The following RPS6KC1 variants were observed in gnomAD, a reference collection of about 807,000 sequenced individuals.
RPS6KC1 encodes ribosomal protein S6 kinase C1, also known as inactive ribosomal protein S6 kinase delta-1.
RPS6KC1 carries 54 observed loss-of-function variants against 103.8 expected under a neutral mutation model. The observed-to-expected ratio is 0.52, with a 90% CI of 0.42 to 0.65. RPS6KC1 has a LOEUF of 0.65. Among genes scored for constraint, RPS6KC1 ranks in the 30% least tolerant of loss-of-function variants. The probability of loss-of-function intolerance (pLI) is 0.00; values close to 1 mark genes in which losing one functional copy is unlikely to be tolerated. For synonymous variants in RPS6KC1, 439 were observed against 438.7 expected, an observed-to-expected ratio of 1.00 and a Z score of -0.01; for missense variants, 1,151 against 1,253.8, an observed-to-expected ratio of 0.92 and a Z score of 1.24.
At chr1:213,695,160 T>C in the RPS6KC1 span, among the ~76,000 whole-genome samples, 1 of 152,140 alleles carries the variant, frequency 6.6e-6, no homozygotes, top group Non-Finnish European at 1.5e-5. Flanking sequence ...TAAATACGCG[T>C]TGAACAGATG....
At chr1:213,183,508 G>A (rs879700954) in intron 8 of RPS6KC1, among the ~76,000 whole-genome samples, 19 of 151,902 alleles carry the variant, frequency 1.3e-4, no homozygotes, top group Admixed American at 3.3e-4. Context: ...CAGGAAACTC[G>A]CCAAATACCT....
At chr1:213,788,490 C>G in the RPS6KC1 span, among the ~76,000 whole-genome samples, 5 of 152,112 alleles carry the variant, frequency 3.3e-5, no homozygotes, top group Non-Finnish European at 7.4e-5. Context: ...ATGAAAAAAG[C>G]AAAACCCACC....
chr1:213,361,199 G>A, the RPS6KC1 span, among the ~76,000 whole-genome samples: 4 of 152,306 alleles, frequency 2.6e-5, no homozygotes, highest in East Asian at 5.8e-4. Flanking sequence ...GCTGCGGTGG[G>A]CTCCACCCAG....
At chr1:213,541,997 G>A in the RPS6KC1 span, among the ~76,000 whole-genome samples, 1 of 152,136 alleles carries the variant, frequency 6.6e-6, no homozygotes, top group Non-Finnish European at 1.5e-5. Flanking sequence ...CTCAACTTTG[G>A]GACTTTGTCT....
At chr1:213,510,767 C>G in the RPS6KC1 span, among the ~76,000 whole-genome samples, 1 of 152,142 alleles carries the variant, frequency 6.6e-6, no homozygotes, top group Non-Finnish European at 1.5e-5. Flanking sequence ...TTTACTTAAC[C>G]GTATTCTACC....
At chr1:213,602,190 T>TTTC in the RPS6KC1 span, among the ~76,000 whole-genome samples, 1 of 60,580 alleles carries the variant, frequency 1.7e-5, no homozygotes, top group Non-Finnish European at 3.1e-5. Context: ...TTCTTTCTTT[T>TTTC]TCCCTCCCTC....
chr1:213,202,111 C>T (rs1190279302), intron 8 of RPS6KC1, among the ~76,000 whole-genome samples: 2 of 152,118 alleles, frequency 1.3e-5, no homozygotes, highest in African/African-American at 4.8e-5. Context: ...TATAAACACA[C>T]TAAGTTACAG....
intron 2 of RPS6KC1, among the ~76,000 whole-genome samples, chr1:213,075,146 C>T (rs573021004): frequency 1.2e-4 from 18 of 152,070 alleles, no homozygotes; most frequent in South Asian, 8.3e-4. Context: ...CCACCACGCC[C>T]GGCCTAGAAT....
the RPS6KC1 span, among the ~76,000 whole-genome samples, chr1:213,407,874 A>G: frequency 1.3e-5 from 2 of 152,206 alleles, no homozygotes; most frequent in Admixed American, 1.3e-4. Flanking sequence ...ACCTGCTACA[A>G]TATAAGCTCC....
intron 9 of RPS6KC1, 145 bp from the exon 10 acceptor site, chr1:213,231,978 G>A (rs984758853): frequency 1.1e-6 from 1 of 942,128 alleles, no homozygotes; most frequent in Non-Finnish European, 1.6e-6. Context: ...GGACTGGGGG[G>A]CATAGAGCAG....
chr1:213,497,242 A>G, the RPS6KC1 span, among the ~76,000 whole-genome samples: 38,558 of 152,158 alleles, frequency 0.25, 5,523 homozygotes, highest in Middle Eastern at 0.38. Context: ...GCTATAGCAT[A>G]TGTTTGTTCT....
intron 3 of RPS6KC1, among the ~76,000 whole-genome samples, chr1:213,099,307 C>T (rs2081791384): frequency 6.6e-6 from 1 of 152,008 alleles, no homozygotes; most frequent in Non-Finnish European, 1.5e-5. Context: ...CTTTACGCAA[C>T]ATTTTATTGT....
chr1:213,823,812 G>A, the RPS6KC1 span, among the ~76,000 whole-genome samples: 96 of 151,280 alleles, frequency 6.3e-4, no homozygotes, highest in Non-Finnish European at 1.0e-3. Context: ...AAGATCTTGC[G>A]TTGAACCAAG....
the RPS6KC1 span, among the ~76,000 whole-genome samples, chr1:213,765,180 A>C: frequency 6.6e-6 from 1 of 152,158 alleles, no homozygotes; most frequent in Non-Finnish European, 1.5e-5. Flanking sequence ...AATACTGACA[A>C]ACACCATAAA....
chr1:213,795,602 C>A, the RPS6KC1 span, among the ~76,000 whole-genome samples: 14 of 152,244 alleles, frequency 9.2e-5, no homozygotes, highest in African/African-American at 3.4e-4. Flanking sequence ...CCAACAAAAT[C>A]ACTCCAAAAG....
At chr1:213,757,625 A>C in the RPS6KC1 span, among the ~76,000 whole-genome samples, 1 of 152,272 alleles carries the variant, frequency 6.6e-6, no homozygotes, top group Non-Finnish European at 1.5e-5. Context: ...TGGAAGCTGC[A>C]GCAAGATCTT....
the RPS6KC1 span, among the ~76,000 whole-genome samples, chr1:213,573,567 C>T: frequency 2.6e-5 from 4 of 152,196 alleles, no homozygotes; most frequent in African/African-American, 7.2e-5. Flanking sequence ...ACAGCCTCAT[C>T]GGTTTGTAGT....
intron 1 of RPS6KC1, among the ~76,000 whole-genome samples, chr1:213,056,871 T>A (rs1287872408): frequency 5.3e-5 from 8 of 151,600 alleles, no homozygotes; most frequent in African/African-American, 1.5e-4. Flanking sequence ...TTTTTTTTTT[T>A]AGGCGTTGCT....
the RPS6KC1 span, among the ~76,000 whole-genome samples, chr1:213,858,298 C>T: frequency 6.6e-6 from 1 of 152,130 alleles, no homozygotes; most frequent in Non-Finnish European, 1.5e-5. Flanking sequence ...TAACTTGTGC[C>T]CATTTTACAG....
Sources: gnomAD v4.1 joint callset for allele counts (sites outside exome capture counted in the v4.1 genomes callset) on GRCh38, gnomAD v4.1.1 for gene constraint, MANE v1.5 for transcripts, NCBI Gene and HGNC (gene_info 2026-07-23, HGNC 2026-07-21) for gene names.